The following XG variants were observed in gnomAD, a reference collection of about 807,000 sequenced individuals.
The protein encoded by XG is glycoprotein Xg.
Under a neutral mutation model 25.7 loss-of-function variants are expected in XG, and 24 were observed. That is an observed-to-expected ratio of 0.93 (90% CI 0.68 to 1.31). XG has a LOEUF of 1.31. XG is among the 40% of genes most tolerant of loss of function. XG has a pLI of 0.00. For missense variants in XG, 181 were observed against 187.6 expected (o/e 0.96, Z 0.21); for synonymous variants, 77 against 69.2 (o/e 1.11, Z -0.56).
Position 2,789,640 on chromosome X carries a change from A to G in XG, c.191-4A>G, listed in dbSNP as rs779131040. Reference sequence around the variant, plus strand: ...TCTGAAATCATACTGTTGTTTTCCAACAGATATCTACCCAAGGCCAAAGCC... The same window carrying G: ...TCTGAAATCATACTGTTGTTTTCCAGCAGATATCTACCCAAGGCCAAAGCC... On this transcript the variant is annotated splice_region_variant and splice_polypyrimidine_tract_variant and intron_variant, in intron 4 of 10. Transcript: ENST00000644266. The G allele has an allele frequency of 1.7e-5, 20 of 1,160,357 alleles. No individual in the cohort carries two copies. The highest frequency in any genetic ancestry group is 2.1e-5 in the Non-Finnish European group (18 of 865,798).
rs2050466377 is a variant in XG, at chrX:2,757,788, A to G, written c.61+5453A>G. On this transcript the variant is annotated intron_variant, in intron 1 of 10. Transcript: ENST00000644266. ...GGAGTTTGAGACCAGCCTGGCCAAC[A>G]TGGCAGAACGCTGTTTCTACTAAAA... 2.0e-5 allele frequency among the ~76,000 whole-genome samples: 3 copies of G among 151,646 alleles called. No individual in the cohort carries two copies. In the South Asian group the frequency reaches 6.3e-4, roughly 32 times the overall value.
chrX:2,785,746 A>G (rs2086777531), intron 4 of XG, among the ~76,000 whole-genome samples: 1 of 111,510 alleles, frequency 9.0e-6, no homozygotes, highest in African/African-American at 3.3e-5. Flanking sequence ...GGCTAGCCCA[A>G]ATGAGCCCAG....
At chrX:2,779,376 A>G (rs1000046962) in intron 3 of XG, among the ~76,000 whole-genome samples, 1 of 151,248 alleles carries the variant, frequency 6.6e-6, no homozygotes, top group Non-Finnish European at 1.5e-5. Flanking sequence ...GGGTTAGCCT[A>G]TGTCTACATT....
At chrX:2,761,330 G>A (rs1301038347) in intron 1 of XG, among the ~76,000 whole-genome samples, 1 of 152,038 alleles carries the variant, frequency 6.6e-6, no homozygotes, top group Non-Finnish European at 1.5e-5. Context: ...AAGAAGAGAG[G>A]CCTCAGGAGG....
chrX:2,781,182 G>A (rs1402518426), intron 3 of XG, among the ~76,000 whole-genome samples: 3 of 152,064 alleles, frequency 2.0e-5, no homozygotes, highest in Non-Finnish European at 2.9e-5. Context: ...AAAGCCCACC[G>A]AGAGTTTTTC....
chrX:2,752,725 TA>T (rs2050361004), intron 1 of XG, among the ~76,000 whole-genome samples: 1 of 152,220 alleles, frequency 6.6e-6, no homozygotes, highest in Admixed American at 6.5e-5. Flanking sequence ...TTCCATACAG[TA>T]AAAGTAGAGT....
At chrX:2,780,980 A>C (rs1283854066) in intron 3 of XG, among the ~76,000 whole-genome samples, 1 of 151,884 alleles carries the variant, frequency 6.6e-6, no homozygotes, top group Non-Finnish European at 1.5e-5. Flanking sequence ...TTTTCCCTTT[A>C]GCTTAGTGAC....
At chrX:2,773,882 T>A (rs1418516491) in intron 2 of XG, among the ~76,000 whole-genome samples, 1 of 147,160 alleles carries the variant, frequency 6.8e-6, no homozygotes, top group African/African-American at 2.5e-5. Flanking sequence ...GAGAGGGAGG[T>A]GGCAGGAAGG....
At chrX:2,756,795 G>A (rs2050445145) in intron 1 of XG, among the ~76,000 whole-genome samples, 1 of 152,136 alleles carries the variant, frequency 6.6e-6, no homozygotes, top group Admixed American at 6.6e-5. Flanking sequence ...ACTTGCAGAC[G>A]GGCAGGTGCA....
chrX:2,791,058 G>GT (rs1339407148), intron 5 of XG, among the ~76,000 whole-genome samples: 1,434 of 102,257 alleles, frequency 0.014, 28 homozygotes, highest in African/African-American at 0.045. Context: ...ATTTTTTCTT[G>GT]TTTTTTTTTT....
intron 2 of XG, among the ~76,000 whole-genome samples, chrX:2,772,115 A>G (rs184620652): frequency 3.3e-5 from 5 of 152,320 alleles, no homozygotes; most frequent in South Asian, 2.1e-4. Context: ...AACCCTGTGC[A>G]ATAGTGAAGG....
chrX:2,807,824 G>T (rs187997851), intron 8 of XG, among the ~76,000 whole-genome samples: 5 of 112,179 alleles, frequency 4.5e-5, no homozygotes, highest in Non-Finnish European at 9.4e-5. Context: ...GCATGTCAGT[G>T]TGTGTTGCAT....
intron 1 of XG, among the ~76,000 whole-genome samples, chrX:2,768,760 G>A (rs1358199429): frequency 6.6e-6 from 1 of 152,040 alleles, no homozygotes; most frequent in East Asian, 1.9e-4. Flanking sequence ...AGAGAGAGAC[G>A]CCATCTAAAA....
chrX:2,782,595 G>C (rs2086741316), intron 4 of XG, among the ~76,000 whole-genome samples: 1 of 111,301 alleles, frequency 9.0e-6, no homozygotes, highest in Non-Finnish European at 1.9e-5. Flanking sequence ...AACCATAGGG[G>C]GTTGAAGTGA....
chrX:2,794,537 T>G lies in XG; in HGVS notation c.256T>G (p.Tyr86Asp). The G allele has an allele frequency of 8.3e-7, 1 of 1,211,318 alleles. No homozygotes were observed. Among genetic ancestry groups the G allele is most frequent in the Non-Finnish European group, 1.1e-6 (1 of 895,236 alleles). Residue 86 changes from tyrosine (Y) to aspartate (D), a missense_variant and splice_region_variant, in exon 6 of 11, where the codon TAC (tyrosine) becomes GAC (aspartate). Physicochemically the swap from Tyr to Asp is radical, Grantham distance 160. Coordinates refer to ENST00000644266, the MANE Select transcript of XG (RefSeq NM_001141919.2). ...QPGNSGNSGG[Y>D]FNDVDRDDGR... Reference sequence around the variant, plus strand: ...ATGCCGCGTGCTCTGCCCCACAGGTTACTTCAATGATGTGGACCGTGATGA... The same window carrying G: ...ATGCCGCGTGCTCTGCCCCACAGGTGACTTCAATGATGTGGACCGTGATGA...
chrX:2,767,051 A>G (rs2050715404), intron 1 of XG, among the ~76,000 whole-genome samples: 1 of 145,756 alleles, frequency 6.9e-6, no homozygotes, highest in African/African-American at 2.4e-5. Flanking sequence ...AAGTTCCGAG[A>G]GAAACTTCTG....
chrX:2,801,715 TTA>T (rs1454726122), intron 7 of XG, among the ~76,000 whole-genome samples: 1 of 108,368 alleles, frequency 9.2e-6, no homozygotes. Context: ...TTTTTATTTT[TTA>T]TTTTTTTTTG....
In XG at chrX:2,794,582, C is replaced by G. The variant is rs1316852442; in HGVS notation, c.301C>G (p.Pro101Ala). The G allele has an allele frequency of 2.5e-6, 3 of 1,210,072 alleles. No homozygotes were observed. The highest frequency in any genetic ancestry group is 3.4e-6 in the Non-Finnish European group (3 of 895,139). ...DRDDGRYPPR[P>A]RPRPPAGGGG... ...TGATGACGGACGCTACCCGCCCAGG[C>G]CCAGGCCACGGCCGCCTGCAGGTAG... The change falls in exon 6 of 11, where the codon CCC (proline) becomes GCC (alanine). Residue 101 changes from proline (P) to alanine (A), a missense_variant. Physicochemically the swap from Pro to Ala is conservative, Grantham distance 27. Coordinates refer to ENST00000644266, the MANE Select transcript of XG (RefSeq NM_001141919.2).
chrX:2,763,644 A>C (rs1425819493), intron 1 of XG, among the ~76,000 whole-genome samples: 2 of 152,194 alleles, frequency 1.3e-5, no homozygotes, highest in Admixed American at 6.5e-5. Flanking sequence ...CCCTGCTTCC[A>C]GGTATCCCGC....
Sources: gnomAD v4.1 joint callset for allele counts (sites outside exome capture counted in the v4.1 genomes callset) on GRCh38, gnomAD v4.1.1 for gene constraint, MANE v1.5 for transcripts, NCBI Gene and HGNC (gene_info 2026-07-23, HGNC 2026-07-21) for gene names.